The following SULF1 variants were observed in gnomAD, a reference collection of about 807,000 sequenced individuals.
SULF1 encodes extracellular sulfatase Sulf-1.
Under a neutral mutation model 110.5 loss-of-function variants are expected in SULF1, and 46 were observed. That is an observed-to-expected ratio of 0.42 (90% CI 0.33 to 0.53). SULF1 has a LOEUF of 0.53. Ranked by LOEUF, SULF1 falls within the 20% of genes least tolerant of loss-of-function variation. The pLI is 0.12. For missense variants in SULF1, 941 were observed against 1,094.2 expected (o/e 0.86, Z 1.98); for synonymous variants, 371 against 387.1 (o/e 0.96, Z 0.49).
At chr8:69,645,176 G>A (rs980850686) in intron 22 of SULF1, among the ~76,000 whole-genome samples, 1 of 152,152 alleles carries the variant, frequency 6.6e-6, no homozygotes, top group African/African-American at 2.4e-5. Context: ...GGCCATGAGA[G>A]CTGGGTAGCG....
intron 3 of SULF1, among the ~76,000 whole-genome samples, chr8:69,550,624 C>G (rs1021198610): frequency 2.0e-5 from 3 of 152,086 alleles, no homozygotes; most frequent in African/African-American, 7.2e-5. Context: ...AGACATGAAC[C>G]CTTTCGGTTG....
intron 5 of SULF1, among the ~76,000 whole-genome samples, chr8:69,574,081 C>T (rs980843666): frequency 1.3e-5 from 2 of 152,210 alleles, no homozygotes; most frequent in African/African-American, 2.4e-5. Flanking sequence ...CCACACACCA[C>T]CATTGCAACT....
At chr8:69,580,605 A>G (rs12546931) in intron 6 of SULF1, among the ~76,000 whole-genome samples, 29,617 of 152,140 alleles carry the variant, frequency 0.19, 3,016 homozygotes, top group Admixed American at 0.31. Flanking sequence ...TATTATACTC[A>G]TGGTAATTAT....
intron 22 of SULF1, among the ~76,000 whole-genome samples, chr8:69,647,474 A>C (rs1433833405): frequency 1.3e-5 from 2 of 152,196 alleles, no homozygotes; most frequent in Non-Finnish European, 1.5e-5. Context: ...CATTTGTAAA[A>C]TAAATAGCTA....
At chr8:69,552,446 A>G (rs919167312) in intron 3 of SULF1, among the ~76,000 whole-genome samples, 5 of 152,232 alleles carry the variant, frequency 3.3e-5, no homozygotes, top group African/African-American at 1.2e-4. Flanking sequence ...ATTCTCCAAT[A>G]AAACTAATTA....
rs1346142910 is a variant in SULF1, at chr8:69,552,014, C to T, written c.-133-11525C>T. On this transcript the variant is annotated intron_variant, in intron 3 of 22. Coordinates refer to ENST00000402687, the MANE Select transcript of SULF1 (RefSeq NM_001128205.2). ...GGCTGAGGCAGGAGAATCACTTGAA[C>T]CCACAAGGTGGAGGTTGCAGTGAGC... Among the ~76,000 whole-genome samples, 4 of 152,180 alleles carry T rather than the reference C, an allele frequency of 2.6e-5. No homozygotes were observed. In the South Asian group the frequency reaches 8.3e-4, roughly 31 times the overall value.
intron 8 of SULF1, among the ~76,000 whole-genome samples, chr8:69,591,542 C>T (rs1035621930): frequency 4.3e-4 from 65 of 150,188 alleles, no homozygotes; most frequent in African/African-American, 1.4e-3. Context: ...CCAGCCTCGG[C>T]GACAGAGCAA....
At chr8:69,577,791 A>G (rs1358130585) in intron 6 of SULF1, among the ~76,000 whole-genome samples, 1 of 152,200 alleles carries the variant, frequency 6.6e-6, no homozygotes, top group Non-Finnish European at 1.5e-5. Flanking sequence ...GAGACTCAGA[A>G]AGGCTAATTG....
chr8:69,469,354 T>C (rs548614175), intron 1 of SULF1: 17 of 152,280 alleles, frequency 1.1e-4, no homozygotes, highest in Admixed American at 7.2e-4. Context: ...CGAAAAATAA[T>C]GGAGGTTGAG....
intron 1 of SULF1, among the ~76,000 whole-genome samples, chr8:69,480,413 C>T (rs1429750283): frequency 1.3e-5 from 2 of 152,146 alleles, no homozygotes; most frequent in Non-Finnish European, 2.9e-5. Context: ...TTCAAATATA[C>T]CATATTTGGT....
chr8:69,638,507 T>A lies in SULF1; in HGVS notation c.2290T>A (p.Ser764Thr). ...WQTAPFWNLG[S>T]FCACTSSNNN... ...TTTTCTTTTTTACCCAACAGTGGGA[T>A]CTTTCTGTGCTTGCACGAGTTCTAA... The change falls in exon 20 of 23, where the codon TCT (serine) becomes ACT (threonine). Residue 764 changes from serine (S) to threonine (T), a missense_variant. Ser to Thr is a moderately conservative substitution (Grantham distance 58). Around this residue, in one of 3 missense-constraint regions of SULF1, gnomAD observed 112 missense variants for 133.5 expected, o/e 0.84. Transcript: ENST00000402687. 1 of 1,611,438 alleles carries A rather than the reference T, an allele frequency of 6.2e-7. No individual in the cohort carries two copies. The highest frequency in any genetic ancestry group is 8.5e-7 in the Non-Finnish European group (1 of 1,179,552).
chr8:69,652,302 A>G (rs565272131), intron 22 of SULF1, among the ~76,000 whole-genome samples: 1 of 152,164 alleles, frequency 6.6e-6, no homozygotes, highest in Non-Finnish European at 1.5e-5. Flanking sequence ...ACTTGTCCAT[A>G]GTTTCCAGGA....
chr8:69,630,408 C>A (rs1336909259), intron 19 of SULF1, among the ~76,000 whole-genome samples: 1 of 152,154 alleles, frequency 6.6e-6, no homozygotes, highest in African/African-American at 2.4e-5. Context: ...TCACTGGAGA[C>A]CACCCGGGCT....
chr8:69,548,267 A>G (rs540025043), intron 3 of SULF1, among the ~76,000 whole-genome samples: 199 of 152,320 alleles, frequency 1.3e-3, no homozygotes, highest in African/African-American at 4.1e-3. Context: ...AAACATGCCA[A>G]TGATAACTAG....
In SULF1 at chr8:69,621,261, G is replaced by A. The variant is rs765924296; in HGVS notation, c.1594+10G>A. 7.5e-6 allele frequency: 12 copies of A among 1,606,038 alleles called. No individual in the cohort carries two copies. The highest frequency in any genetic ancestry group is 4.5e-5 in the East Asian group (2 of 44,832). On this transcript the variant is annotated intron_variant, in intron 14 of 22. Coordinates refer to ENST00000402687, the MANE Select transcript of SULF1 (RefSeq NM_001128205.2). Reference sequence around the variant, plus strand: ...AACCAGGGGACTCCAAGTAAGCCACGCTTTTGTGACCATCTCAATGGTGGC... The same window carrying A: ...AACCAGGGGACTCCAAGTAAGCCACACTTTTGTGACCATCTCAATGGTGGC...
At chr8:69,530,561 G>A (rs752489262) in intron 3 of SULF1, among the ~76,000 whole-genome samples, 7 of 152,044 alleles carry the variant, frequency 4.6e-5, no homozygotes, top group African/African-American at 7.2e-5. Context: ...TTCTCTCATC[G>A]ATAAAATCAC....
At chr8:69,631,839 C>G (rs1010302370) in intron 19 of SULF1, among the ~76,000 whole-genome samples, 1 of 152,248 alleles carries the variant, frequency 6.6e-6, no homozygotes, top group Non-Finnish European at 1.5e-5. Flanking sequence ...CTCTGTGCCT[C>G]AGACTAGGGT....
upstream of SULF1, among the ~76,000 whole-genome samples, chr8:69,491,174 T>A (rs1033884143): frequency 1.3e-5 from 2 of 152,144 alleles, no homozygotes; most frequent in Non-Finnish European, 1.5e-5. Context: ...CAGGTGGAAT[T>A]TGAAGCATGT....
chr8:69,588,191 T>G (rs1806606567), intron 7 of SULF1, among the ~76,000 whole-genome samples: 1 of 152,152 alleles, frequency 6.6e-6, no homozygotes, highest in Non-Finnish European at 1.5e-5. Flanking sequence ...TTCCATTTCC[T>G]CCCTCCCTCT....
Sources: allele counts gnomAD v4.1 joint callset (sites outside exome capture counted in the v4.1 genomes callset), GRCh38; gene constraint gnomAD v4.1.1; regional missense constraint gnomAD v4.1.1; transcripts MANE v1.5; gene names NCBI Gene and HGNC (gene_info 2026-07-23, HGNC 2026-07-21).